The following PLCG1 variants were observed in gnomAD, a reference collection of about 807,000 sequenced individuals.
PLCG1 encodes phospholipase C gamma 1.
A neutral mutation model predicts 177.8 loss-of-function variants in PLCG1; 71 were observed. That is an observed-to-expected ratio of 0.40 (90% confidence interval 0.33 to 0.49). The LOEUF (loss-of-function observed/expected upper bound fraction) is 0.49, where lower values mean the gene tolerates loss of function less well. Ranked by LOEUF, PLCG1 falls within the 20% of genes least tolerant of loss-of-function variation. The pLI, the probability that PLCG1 is intolerant of heterozygous loss-of-function variation, is 0.72. For missense variants in PLCG1, 1,281 were observed against 1,709.0 expected (o/e 0.75, Z 4.42); for synonymous variants, 658 against 647.9 (o/e 1.02, Z -0.24).
rs992882748 is a variant in PLCG1 at position 41,166,933 on chromosome 20, T to G, written c.2301+74T>G. The G allele has an allele frequency of 2.9e-6, 4 of 1,388,722 alleles. No individual in the cohort carries two copies. In the Admixed American group the frequency reaches 6.8e-5, roughly 24 times the overall value. The allele number at this position is 1,388,722 out of a possible 1,614,324, so 86.0% of individuals were successfully genotyped here. A position where few individuals can be genotyped will look rare whatever the true frequency, so the allele number is the denominator to read the frequency against. On this transcript the variant is annotated intron_variant, in intron 19 of 31. Transcript: ENST00000685551. The surrounding 1 kb of genome is among the most constrained non-coding windows in gnomAD (Gnocchi z 8.6). Reference sequence around the variant, plus strand: ...CCAGAATCTTACCAGTCTCTGGATGTGTGTAACAGCAAGACCTGGTGTGTT... The same window carrying G: ...CCAGAATCTTACCAGTCTCTGGATGGGTGTAACAGCAAGACCTGGTGTGTT...
chr20:41,163,043 T>C lies in PLCG1; in HGVS notation c.716+51T>C. The C allele has an allele frequency of 6.3e-7, 1 of 1,578,716 alleles. No individual in the cohort carries two copies. Among genetic ancestry groups the C allele is most frequent in the Non-Finnish European group, 8.7e-7 (1 of 1,147,820 alleles). On this transcript the variant is annotated intron_variant, in intron 7 of 31. Transcript: ENST00000685551. This position sits in a 1 kb window ranked among gnomAD's most constrained non-coding sequence, Gnocchi z 5.2. ...GTTTTCCCTGGGCCCCCTTCATCTC[T>C]CCACTGGGCGATTCTTGATCCAGGT...
rs1477543183 is a variant in PLCG1 at position 41,148,720 on chromosome 20, A to G, written c.217+10862A>G. On this transcript the variant is annotated intron_variant, in intron 1 of 31. Coordinates refer to ENST00000685551, the MANE Select transcript of PLCG1 (RefSeq NM_002660.3). The surrounding 1 kb of genome is among the most constrained non-coding windows in gnomAD (Gnocchi z 4.3). ...AAACAATCAGACAGCCTTAAAATAC[A>G]TGTATGGCTACTATAATAAATACTG... is the stretch of plus-strand genomic sequence containing the variant. 1.3e-5 allele frequency among the ~76,000 whole-genome samples: 2 copies of G among 152,330 alleles called. No individual in the cohort carries two copies. Among genetic ancestry groups the G allele is most frequent in the East Asian group, 1.9e-4 (1 of 5,186 alleles).
At chr20:41,145,936 G>C (rs1425129065) in intron 1 of PLCG1, among the ~76,000 whole-genome samples, 1 of 152,208 alleles carries the variant, frequency 6.6e-6, no homozygotes, top group Non-Finnish European at 1.5e-5. Context: ...TGCAGTGGCT[G>C]TGTGCCCAGG....
rs35980938 is a variant in PLCG1, at chr20:41,157,204, CTGTGTGTGTGTGTGTGTGTG to C, written c.218-2384_218-2365del. 4.9e-5 allele frequency among the ~76,000 whole-genome samples: 7 copies of C among 143,936 alleles called. No homozygotes were observed. The highest frequency in any genetic ancestry group is 3.0e-5 in the Non-Finnish European group (2 of 66,742). 94.4% of individuals were successfully genotyped at this position (143,936 alleles called of 152,430 possible). A position where few individuals can be genotyped will look rare whatever the true frequency, so the allele number is the denominator to read the frequency against. On this transcript the variant is annotated intron_variant, in intron 1 of 31. Coordinates refer to ENST00000685551, the MANE Select transcript of PLCG1 (RefSeq NM_002660.3). The surrounding 1 kb of genome is among the most constrained non-coding windows in gnomAD (Gnocchi z 5.4). ...GTGCAGGAGTGCAGGCCTGTTGACTCTGTGTGTGTGTGTGTGTGTGTGTGTGTGTGTGTGTGTACAGTCAC... is the reference window on the plus strand; with the variant it reads ...GTGCAGGAGTGCAGGCCTGTTGACTCTGTGTGTGTGTGTGTGTACAGTCAC...
Position 41,159,505 on chromosome 20 carries a change from C to A in PLCG1, c.218-101C>A. ...CTTGGCTCTGCCTCTGGGGTTCCTC[C>A]CTGAGAGAGAGTGTAAGAATGAGGA... On this transcript the variant is annotated intron_variant, in intron 1 of 31. Transcript: ENST00000685551. This position sits in a 1 kb window ranked among gnomAD's most constrained non-coding sequence, Gnocchi z 6.0. 1.6e-6 allele frequency: 2 copies of A among 1,248,836 alleles called. No homozygotes were observed. The highest frequency in any genetic ancestry group is 2.2e-6 in the Non-Finnish European group (2 of 888,992). 77.4% of individuals were successfully genotyped at this position (1,248,836 alleles called of 1,614,324 possible).
chr20:41,137,993 C>G lies in PLCG1; in HGVS notation c.217+135C>G. 3.7e-6 allele frequency: 2 copies of G among 544,488 alleles called. No individual in the cohort carries two copies. The highest frequency in any genetic ancestry group is 5.6e-6 in the Non-Finnish European group (2 of 359,078). 33.7% of individuals were successfully genotyped at this position (544,488 alleles called of 1,614,324 possible). ...GGCCCTCCCAGACTCCCTCCGGGCC[C>G]CGCCCCCGCTTCGTCTCGGGTGGTC... On this transcript the variant is annotated intron_variant, in intron 1 of 31. Coordinates refer to ENST00000685551, the MANE Select transcript of PLCG1 (RefSeq NM_002660.3). This position sits in a 1 kb window ranked among gnomAD's most constrained non-coding sequence, Gnocchi z 7.3.
Position 41,165,842 on chromosome 20 carries a change from C to T in PLCG1, c.1799+16C>T, listed in dbSNP as rs1342628656. ...TCTCTTTCTGGTAACACTTCCCATGCAGATGCGTATGTTCAGTCAGCGTGT... is the reference window on the plus strand; with the variant it reads ...TCTCTTTCTGGTAACACTTCCCATGTAGATGCGTATGTTCAGTCAGCGTGT... On this transcript the variant is annotated intron_variant, in intron 16 of 31. Transcript: ENST00000685551. The surrounding 1 kb of genome is among the most constrained non-coding windows in gnomAD (Gnocchi z 6.6). 1 of 1,556,278 alleles carries T rather than the reference C, an allele frequency of 6.4e-7. No homozygotes were observed. The highest frequency in any genetic ancestry group is 8.7e-7 in the Non-Finnish European group (1 of 1,144,670).
At position 41,164,929 on chromosome 20, in the gene PLCG1, G is replaced by A. The variant is rs752574749; in HGVS notation, c.1218-4G>A. 1.7e-5 allele frequency: 27 copies of A among 1,612,326 alleles called. No individual in the cohort carries two copies. Among genetic ancestry groups the A allele is most frequent in the Non-Finnish European group, 2.0e-5 (24 of 1,178,780 alleles). Reference sequence around the variant, plus strand: ...TTTCACTGTGCTTGTCCCCCATCCCGCAGGTACCCAGTCATCCTGTCCATT... The same window carrying A: ...TTTCACTGTGCTTGTCCCCCATCCCACAGGTACCCAGTCATCCTGTCCATT... On this transcript the variant is annotated splice_polypyrimidine_tract_variant and splice_region_variant and intron_variant, in intron 12 of 31. Coordinates refer to ENST00000685551, the MANE Select transcript of PLCG1 (RefSeq NM_002660.3). The surrounding 1 kb of genome is among the most constrained non-coding windows in gnomAD (Gnocchi z 6.4).
chr20:41,138,194 G>C (rs1315068689), intron 1 of PLCG1, among the ~76,000 whole-genome samples: 2 of 152,174 alleles, frequency 1.3e-5, no homozygotes, highest in East Asian at 1.9e-4. Flanking sequence ...GCGTCGGCGA[G>C]GGGAGCTAAG....
chr20:41,165,195 GT>G lies in PLCG1; in HGVS notation c.1387-49del. 6.2e-7 allele frequency: 1 copy of G among 1,609,118 alleles called. No homozygotes were observed. Among genetic ancestry groups the G allele is most frequent in the South Asian group, 1.1e-5 (1 of 90,446 alleles). On this transcript the variant is annotated intron_variant, in intron 13 of 31. Coordinates refer to ENST00000685551, the MANE Select transcript of PLCG1 (RefSeq NM_002660.3). The surrounding 1 kb of genome is among the most constrained non-coding windows in gnomAD (Gnocchi z 6.6). ...GTTGGGCCTAAACCTGGGTGAGGAG[GT>G]GGGGTGAGGACTGGGGTCTGCATTG...
rs369785655 is a variant in PLCG1 at position 41,165,550 on chromosome 20, A to G, written c.1610A>G (p.Glu537Gly). 123 of 1,613,416 alleles carry G rather than the reference A, an allele frequency of 7.6e-5. 1 individual carries two copies. The South Asian group carries it at 1.2e-3, about 16-fold the overall frequency. The change falls in exon 15 of 32, where the codon GAG (glutamate) becomes GGG (glycine). Residue 537 changes from glutamate to glycine, a missense_variant and splice_region_variant. Around this residue, in one of 4 missense-constraint regions of PLCG1, gnomAD observed 723 missense variants for 1,030.0 expected, o/e 0.70. Coordinates refer to ENST00000685551, the MANE Select transcript of PLCG1 (RefSeq NM_002660.3). The surrounding 1 kb of genome is among the most constrained non-coding windows in gnomAD (Gnocchi z 6.6). The stretch of plus-strand genomic sequence containing the variant: ...AACGAGGATGAGGAGGAGCCCAAGG[A>G]GGTGAGGAACCAGCTCAGGTCTGGG... Reference protein sequence around the residue: ...QGNEDEEEPKEVSSSTELHSN... With the variant: ...QGNEDEEEPKGVSSSTELHSN...
rs1173100400 is a variant in PLCG1 at position 41,147,859 on chromosome 20, A to AG, written c.217+10001_217+10002insG. On this transcript the variant is annotated intron_variant, in intron 1 of 31. Coordinates refer to ENST00000685551, the MANE Select transcript of PLCG1 (RefSeq NM_002660.3). This position sits in a 1 kb window ranked among gnomAD's most constrained non-coding sequence, Gnocchi z 4.0. ...CAAGACTCTGTCTCTTTAAAAAAAA[A>AG]AAAAAATTTAAGCTGGGCTTTCTGG... Among the ~76,000 whole-genome samples the AG allele has an allele frequency of 1.3e-5, 2 of 151,968 alleles. No homozygotes were observed. The highest frequency in any genetic ancestry group is 6.6e-5 in the Admixed American group (1 of 15,258).
chr20:41,169,515 C>G lies in PLCG1; in HGVS notation c.2639C>G (p.Ala880Gly), dbSNP rs1452365747. The G allele has an allele frequency of 6.2e-7, 1 of 1,612,954 alleles. No individual in the cohort carries two copies. The change falls in exon 23 of 32, where the codon GCT (alanine) becomes GGT (glycine). Residue 880 changes from alanine to glycine, a missense_variant. Ala to Gly is a moderately conservative substitution (Grantham distance 60). Around this residue, in one of 4 missense-constraint regions of PLCG1, gnomAD observed 723 missense variants for 1,030.0 expected, o/e 0.70. Coordinates refer to ENST00000685551, the MANE Select transcript of PLCG1 (RefSeq NM_002660.3). Reference sequence around the variant, plus strand: ...CTGCGGGGGGTCTTGGATGTGCCGGCTTGTCAGATTGGTGAGCTCCCATCT... The same window carrying G: ...CTGCGGGGGGTCTTGGATGTGCCGGGTTGTCAGATTGGTGAGCTCCCATCT... ...DLLRGVLDVP[A>G]CQIAIRPEGK...
At chr20:41,145,905 C>T (rs923870144) in intron 1 of PLCG1, among the ~76,000 whole-genome samples, 4 of 152,148 alleles carry the variant, frequency 2.6e-5, no homozygotes, top group African/African-American at 9.7e-5. Context: ...TGAGGTGGTT[C>T]TTGGCTAGCT....
At position 41,160,009 on chromosome 20, in the gene PLCG1, C is replaced by G. The variant is rs34485595; in HGVS notation, c.464+46C>G. 19 of 1,596,916 alleles carry G rather than the reference C, an allele frequency of 1.2e-5. No homozygotes were observed. In the East Asian group the frequency reaches 3.8e-4, roughly 32 times the overall value. ...GGTTAGGGCTGGGAGCATTAGGGAC[C>G]AGGGGGACAGGGACAGCAGACCTTT... On this transcript the variant is annotated intron_variant, in intron 3 of 31. Transcript: ENST00000685551. The surrounding 1 kb of genome is among the most constrained non-coding windows in gnomAD (Gnocchi z 5.5).
rs775130101 is a variant in PLCG1, at chr20:41,164,634, G to A, written c.1218-299G>A. On this transcript the variant is annotated intron_variant, in intron 12 of 31. Transcript: ENST00000685551. This position sits in a 1 kb window ranked among gnomAD's most constrained non-coding sequence, Gnocchi z 6.4. Reference sequence around the variant, plus strand: ...ACCAGGGCTCTAACAGCTAACTTTGGAGGCTTCTCCTCTCTCCTGGCCTCT... The same window carrying A: ...ACCAGGGCTCTAACAGCTAACTTTGAAGGCTTCTCCTCTCTCCTGGCCTCT... Among the ~76,000 whole-genome samples, 1 of 152,172 alleles carries A rather than the reference G, an allele frequency of 6.6e-6. No homozygotes were observed. The highest frequency in any genetic ancestry group is 1.5e-5 in the Non-Finnish European group (1 of 68,010).
In PLCG1 at chr20:41,173,853, C is replaced by G; in HGVS notation, c.3556+40C>G. ...TGGAGGCAGTGCCCCTGCAATCTTG[C>G]TGGCAGGGTGGGGCTGGGCCCCTTG... On this transcript the variant is annotated intron_variant, in intron 29 of 31. Coordinates refer to ENST00000685551, the MANE Select transcript of PLCG1 (RefSeq NM_002660.3). This position sits in a 1 kb window ranked among gnomAD's most constrained non-coding sequence, Gnocchi z 6.2. 1 of 1,609,562 alleles carries G rather than the reference C, an allele frequency of 6.2e-7. No homozygotes were observed. Among genetic ancestry groups the G allele is most frequent in the Non-Finnish European group, 8.5e-7 (1 of 1,176,398 alleles).
intron 24 of PLCG1, 177 bp downstream of exon 24, chr20:41,170,446 T>C (rs2035861126): frequency 1.6e-6 from 1 of 636,180 alleles, no homozygotes; most frequent in Non-Finnish European, 2.7e-6. Context: ...TAAGATGCAA[T>C]GTGGTGTGTT....
Position 41,165,131 on chromosome 20 carries a change from C to T in PLCG1, c.1386+30C>T. 6.2e-7 allele frequency: 1 copy of T among 1,606,334 alleles called. No homozygotes were observed. The highest frequency in any genetic ancestry group is 8.5e-7 in the Non-Finnish European group (1 of 1,175,160). ...GGTGGCGGGCTTATTGCGGAAGCCC[C>T]ACACTTCTCAGTGCCTTGCCCAGGC... On this transcript the variant is annotated intron_variant, in intron 13 of 31. Transcript: ENST00000685551. This position sits in a 1 kb window ranked among gnomAD's most constrained non-coding sequence, Gnocchi z 6.6.
Sources: allele counts gnomAD v4.1 joint callset (sites outside exome capture counted in the v4.1 genomes callset), GRCh38; gene constraint gnomAD v4.1.1; regional missense constraint gnomAD v4.1.1; non-coding constraint Gnocchi (gnomAD v3.1); transcripts MANE v1.5; gene names NCBI Gene and HGNC (gene_info 2026-07-23, HGNC 2026-07-21).